NPAS3: variants seen among roughly 807,000 people sequenced by gnomAD.
The protein encoded by NPAS3 is neuronal PAS domain protein 3, also known as neuronal PAS domain-containing protein 3.
In NPAS3, 14 loss-of-function variants were observed where a neutral mutation model predicts 73.1. That is an observed-to-expected ratio of 0.19 (90% CI 0.13 to 0.30). The LOEUF is 0.30. Among genes scored for constraint, NPAS3 ranks in the 10% least tolerant of loss-of-function variants. The pLI, the probability that NPAS3 is intolerant of heterozygous loss-of-function variation, is 1.00. For synonymous variants in NPAS3, 620 were observed against 541.5 expected (o/e 1.14, Z -2.01); for missense variants, 1,096 against 1,250.0 (o/e 0.88, Z 1.86).
intron 3 of NPAS3, among the ~76,000 whole-genome samples, chr14:33,358,208 G>A (rs925924362): frequency 1.3e-5 from 2 of 152,184 alleles, no homozygotes; most frequent in Non-Finnish European, 2.9e-5. Flanking sequence ...AGGTGTGCAC[G>A]TCAGGGTTTT....
chr14:33,166,570 C>T (rs530233135), intron 2 of NPAS3, among the ~76,000 whole-genome samples: 177 of 152,218 alleles, frequency 1.2e-3, no homozygotes, highest in Non-Finnish European at 2.1e-3. Flanking sequence ...TTCAGTTCTC[C>T]ATAAATGCTT....
chr14:33,027,076 C>T (rs572464886), intron 1 of NPAS3, among the ~76,000 whole-genome samples: 1 of 152,228 alleles, frequency 6.6e-6, no homozygotes, highest in Non-Finnish European at 1.5e-5. Context: ...CCAGTTGACC[C>T]AGTGAAGGGA....
chr14:33,707,584 G>A (rs1378000000), intron 6 of NPAS3, among the ~76,000 whole-genome samples: 1 of 152,164 alleles, frequency 6.6e-6, no homozygotes, highest in East Asian at 1.9e-4. Flanking sequence ...ATAAAAACCT[G>A]TATGGTTCAA....
At chr14:33,506,393 G>C (rs2052763861) in intron 4 of NPAS3, among the ~76,000 whole-genome samples, 1 of 152,004 alleles carries the variant, frequency 6.6e-6, no homozygotes, top group South Asian at 2.1e-4. Flanking sequence ...CCATATATAA[G>C]TGAAAGATAC....
intron 1 of NPAS3, among the ~76,000 whole-genome samples, chr14:32,965,263 C>CA (rs894946638): frequency 6.6e-6 from 1 of 151,978 alleles, no homozygotes; most frequent in Non-Finnish European, 1.5e-5. Context: ...CAACAAAAAG[C>CA]AAAAAGGCCA....
chr14:33,039,722 G>A (rs1049784867), intron 1 of NPAS3, among the ~76,000 whole-genome samples: 23 of 152,132 alleles, frequency 1.5e-4, no homozygotes, highest in African/African-American at 3.4e-4. Context: ...AGTTGTAGTC[G>A]TCTTCTAATT....
At chr14:33,473,736 A>C (rs982761008) in intron 4 of NPAS3, among the ~76,000 whole-genome samples, 8 of 152,194 alleles carry the variant, frequency 5.3e-5, no homozygotes, top group African/African-American at 1.9e-4. Context: ...GAACTGAAAA[A>C]TTGTCTAGAA....
intron 7 of NPAS3, among the ~76,000 whole-genome samples, chr14:33,738,358 C>G (rs1034838412): frequency 1.4e-4 from 22 of 152,152 alleles, no homozygotes; most frequent in African/African-American, 5.3e-4. Flanking sequence ...CATGAGCTGA[C>G]CTCAACATAT....
intron 3 of NPAS3, among the ~76,000 whole-genome samples, chr14:33,273,706 ATTTGGC>A (rs1054836893): frequency 2.0e-5 from 3 of 152,118 alleles, no homozygotes; most frequent in African/African-American, 7.2e-5. Context: ...AAAATGATAG[ATTTGGC>A]TTTAATCTCT....
At chr14:32,956,387 C>T (rs542254270) in intron 1 of NPAS3, among the ~76,000 whole-genome samples, 39 of 152,212 alleles carry the variant, frequency 2.6e-4, no homozygotes, top group African/African-American at 8.7e-4. Flanking sequence ...AATCTTTGCA[C>T]TGAAAATATC....
In NPAS3 at chr14:33,550,084, A is replaced by G. The variant is rs139584397; in HGVS notation, c.469-10037A>G. Among the ~76,000 whole-genome samples, 52 of 152,232 alleles carry G rather than the reference A, an allele frequency of 3.4e-4. No individual in the cohort carries two copies. In the East Asian group the frequency reaches 0.01, roughly 29 times the overall value. Reference sequence around the variant, plus strand: ...CAAGATTACCAACACCAAAAACCCCATATCTCAGCTCAGTCCTTTCATTCT... The same window carrying G: ...CAAGATTACCAACACCAAAAACCCCGTATCTCAGCTCAGTCCTTTCATTCT... On this transcript the variant is annotated intron_variant, in intron 4 of 11. Coordinates refer to ENST00000356141, the Ensembl canonical transcript of NPAS3.
chr14:33,639,889 C>T (rs1455472122), intron 5 of NPAS3, among the ~76,000 whole-genome samples: 1 of 152,156 alleles, frequency 6.6e-6, no homozygotes, highest in Non-Finnish European at 1.5e-5. Flanking sequence ...TGTGTTCTTT[C>T]AGCTATATTG....
intron 4 of NPAS3, among the ~76,000 whole-genome samples, chr14:33,434,475 C>T (rs1260737237): frequency 1.0e-4 from 15 of 150,728 alleles, no homozygotes; most frequent in South Asian, 6.3e-4. Flanking sequence ...TGCAGTGAGC[C>T]GAGATCACAC....
chr14:33,755,543 G>A (rs1429488590), intron 7 of NPAS3, among the ~76,000 whole-genome samples: 2 of 152,152 alleles, frequency 1.3e-5, no homozygotes, highest in Non-Finnish European at 1.5e-5. Flanking sequence ...TATAGGAGTG[G>A]CTATGAATCA....
At chr14:33,632,347 C>T (rs535617318) in intron 5 of NPAS3, among the ~76,000 whole-genome samples, 6 of 152,234 alleles carry the variant, frequency 3.9e-5, no homozygotes, top group African/African-American at 1.4e-4. Flanking sequence ...CATTTTAAAA[C>T]TAATAGTTTT....
rs1595579859 is a variant in NPAS3 at position 33,769,222 on chromosome 14, AG to A, written c.853-5114del. 2.0e-5 allele frequency among the ~76,000 whole-genome samples: 3 copies of A among 152,204 alleles called. No homozygotes were observed. The East Asian group carries it at 5.8e-4, about 29-fold the overall frequency. On this transcript the variant is annotated intron_variant, in intron 7 of 11. Coordinates refer to ENST00000356141, the Ensembl canonical transcript of NPAS3. Reference sequence around the variant, plus strand: ...TTGGTTTTAATTATCACCTCCAGGAAGAAAAAAAAATAACCTTCCAGAACTA... The same window carrying A: ...TTGGTTTTAATTATCACCTCCAGGAAAAAAAAAAATAACCTTCCAGAACTA...
rs143760926 is a variant in NPAS3 at position 33,515,680 on chromosome 14, C to T, written c.469-44441C>T. ...TGCATTAGACAATTCTTCCAACTCA[C>T]GGAATACAGTCATACTTTTTGCATT... On this transcript the variant is annotated intron_variant, in intron 4 of 11. Coordinates refer to ENST00000356141, the Ensembl canonical transcript of NPAS3. Among the ~76,000 whole-genome samples the T allele has an allele frequency of 2.0e-3, 299 of 152,194 alleles. 1 individual carries two copies. The highest frequency in any genetic ancestry group is 1.9e-3 in the Non-Finnish European group (128 of 67,964).
chr14:33,548,471 T>C (rs987152797), intron 4 of NPAS3, among the ~76,000 whole-genome samples: 2 of 152,244 alleles, frequency 1.3e-5, no homozygotes, highest in Admixed American at 1.3e-4. Flanking sequence ...CAGATTTCTT[T>C]TGGAATTACT....
At chr14:33,562,933 A>G (rs1015840894) in intron 5 of NPAS3, among the ~76,000 whole-genome samples, 4 of 128,470 alleles carry the variant, frequency 3.1e-5, no homozygotes, top group African/African-American at 1.2e-4. Flanking sequence ...AATCAAATGC[A>G]AACCAAATGC....
Sources: allele counts gnomAD v4.1 joint callset (sites outside exome capture counted in the v4.1 genomes callset), GRCh38; gene constraint gnomAD v4.1.1; transcripts MANE v1.5; gene names NCBI Gene and HGNC (gene_info 2026-07-23, HGNC 2026-07-21).